MMP20: variants seen among roughly 807,000 people sequenced by gnomAD.
MMP20 encodes the protein matrix metalloproteinase-20.
Under a neutral mutation model 51.8 loss-of-function variants are expected in MMP20, and 50 were observed. That is an observed-to-expected ratio of 0.97 (90% CI 0.77 to 1.22). The LOEUF (loss-of-function observed/expected upper bound fraction) is 1.22. Among genes scored for constraint, MMP20 ranks in the 50% most tolerant of loss-of-function variants. MMP20 has a pLI of 0.00. For synonymous variants in MMP20, 244 were observed against 216.2 expected, an observed-to-expected ratio of 1.13 and a Z score of -1.13; for missense variants, 663 against 601.4, an observed-to-expected ratio of 1.10 and a Z score of -1.07.
At chr11:102,608,797 G>A in intron 5 of MMP20, 140 bp downstream of exon 5, 2 of 889,114 alleles carry the variant, frequency 2.2e-6, no homozygotes, top group South Asian at 2.8e-5. Context: ...TAGCAAATCA[G>A]CTCTTCACAA....
chr11:102,593,146 G>A (rs570306080), intron 8 of MMP20, among the ~76,000 whole-genome samples: 1 of 152,298 alleles, frequency 6.6e-6, no homozygotes, highest in African/African-American at 2.4e-5. Context: ...TGGTGATGCT[G>A]CATCTACGCT....
At chr11:102,587,187 C>T (rs1425775097) in intron 8 of MMP20, among the ~76,000 whole-genome samples, 1 of 151,970 alleles carries the variant, frequency 6.6e-6, no homozygotes, top group Non-Finnish European at 1.5e-5. Context: ...TCTAATTTCC[C>T]TTGTGATTTC....
intron 4 of MMP20, among the ~76,000 whole-genome samples, 173 bp downstream of exon 4, chr11:102,609,732 G>T (rs904300053): frequency 6.6e-6 from 1 of 152,154 alleles, no homozygotes; most frequent in African/African-American, 2.4e-5. Context: ...AACACAATTT[G>T]GGGTGGATTT....
intron 8 of MMP20, among the ~76,000 whole-genome samples, chr11:102,582,619 C>G (rs569589567): frequency 1.3e-5 from 2 of 152,100 alleles, no homozygotes; most frequent in African/African-American, 4.8e-5. Flanking sequence ...CATGTACAAT[C>G]CCAGATGAGG....
rs1284603007 is a variant in MMP20, at chr11:102,611,887, G to C, written c.391C>G (p.Pro131Ala). 1 of 1,614,134 alleles carries C rather than the reference G, an allele frequency of 6.2e-7. No individual in the cohort carries two copies. The highest frequency in any genetic ancestry group is 8.5e-7 in the Non-Finnish European group (1 of 1,179,940). Reference sequence around the variant, plus strand: ...TCCACCTCGACAGAACTCATGGAAGGTGTGTATTTAGATATTCTGTGAAAA... The same window carrying C: ...TCCACCTCGACAGAACTCATGGAAGCTGTGTATTTAGATATTCTGTGAAAA... ...TLTYRISKYT[P>A]SMSSVEVDKA... The change falls in exon 3 of 10, where the codon CCT (proline) becomes GCT (alanine). Residue 131 changes from proline to alanine, a missense_variant. Coordinates refer to ENST00000260228, the MANE Select transcript of MMP20 (RefSeq NM_004771.4).
At chr11:102,624,305 A>G (rs1859788669) in intron 1 of MMP20, among the ~76,000 whole-genome samples, 1 of 152,068 alleles carries the variant, frequency 6.6e-6, no homozygotes, top group Non-Finnish European at 1.5e-5. Flanking sequence ...TTTCCTCTAT[A>G]TATCTTTCAC....
At chr11:102,585,919 T>C (rs1032572568) in intron 8 of MMP20, among the ~76,000 whole-genome samples, 1 of 152,230 alleles carries the variant, frequency 6.6e-6, no homozygotes, top group African/African-American at 2.4e-5. Flanking sequence ...ATTACATTAA[T>C]TGATTTTTGG....
chr11:102,590,952 C>A (rs1859310134), intron 8 of MMP20, among the ~76,000 whole-genome samples: 1 of 152,158 alleles, frequency 6.6e-6, no homozygotes, highest in Non-Finnish European at 1.5e-5. Flanking sequence ...CCCTGTTGAT[C>A]ACCAGCCTGC....
chr11:102,614,501 A>G (rs1859642226), intron 2 of MMP20, among the ~76,000 whole-genome samples: 1 of 152,218 alleles, frequency 6.6e-6, no homozygotes, highest in Non-Finnish European at 1.5e-5. Flanking sequence ...ATAGTCATGG[A>G]CTAAAATTCC....
At chr11:102,578,902 A>T in intron 9 of MMP20, 137 bp downstream of exon 9, 1 of 684,184 alleles carries the variant, frequency 1.5e-6, no homozygotes, top group Non-Finnish European at 2.6e-6. Flanking sequence ...CTGTTTAGAT[A>T]AACTTATGAA....
intron 2 of MMP20, among the ~76,000 whole-genome samples, chr11:102,615,412 C>T (rs1591623096): frequency 6.6e-6 from 1 of 152,144 alleles, no homozygotes; most frequent in East Asian, 1.9e-4. Context: ...TAACAAGTGG[C>T]TGCAAAATTC....
chr11:102,625,127 C>G, intron 1 of MMP20, 67 bp downstream of exon 1: 2 of 1,595,122 alleles, frequency 1.3e-6, no homozygotes, highest in South Asian at 2.2e-5. Flanking sequence ...TTCTTATTTT[C>G]TCACTATGCC....
intron 8 of MMP20, among the ~76,000 whole-genome samples, chr11:102,586,333 G>C (rs1859254001): frequency 6.6e-6 from 1 of 151,918 alleles, no homozygotes; most frequent in Non-Finnish European, 1.5e-5. Context: ...TCTTATTGTA[G>C]GCATATTCAG....
At chr11:102,624,684 T>C (rs1304593780) in intron 1 of MMP20, among the ~76,000 whole-genome samples, 2 of 152,146 alleles carry the variant, frequency 1.3e-5, no homozygotes, top group Non-Finnish European at 2.9e-5. Context: ...AAATGAGAAG[T>C]GGGTTGGCAC....
intron 6 of MMP20, among the ~76,000 whole-genome samples, chr11:102,598,393 T>G (rs1859407944): frequency 6.6e-6 from 1 of 152,254 alleles, no homozygotes; most frequent in South Asian, 2.1e-4. Context: ...GGCAAAACAA[T>G]GGAGTTTATT....
At chr11:102,586,815 TC>T (rs1859260471) in intron 8 of MMP20, among the ~76,000 whole-genome samples, 1 of 150,206 alleles carries the variant, frequency 6.7e-6, no homozygotes, top group South Asian at 2.1e-4. Flanking sequence ...AGACTCCGCC[TC>T]AAAAAAAAAA....
intron 1 of MMP20, among the ~76,000 whole-genome samples, chr11:102,623,195 GC>G (rs1234595838): frequency 1.3e-5 from 2 of 152,202 alleles, no homozygotes; most frequent in African/African-American, 4.8e-5. Context: ...TTCTAAACGT[GC>G]CTAGCTGACT....
chr11:102,617,639 T>C (rs909808622), intron 1 of MMP20, among the ~76,000 whole-genome samples: 4 of 152,198 alleles, frequency 2.6e-5, no homozygotes, highest in African/African-American at 4.8e-5. Flanking sequence ...GTGTTTAGTA[T>C]GTGGGCTGGA....
intron 6 of MMP20, among the ~76,000 whole-genome samples, chr11:102,606,021 T>TCATC (rs1413912830): frequency 1.3e-5 from 2 of 152,150 alleles, no homozygotes; most frequent in Non-Finnish European, 1.5e-5. Context: ...ATCCATCTGA[T>TCATC]CATCCATCCA....
Sources: allele counts gnomAD v4.1 joint callset (sites outside exome capture counted in the v4.1 genomes callset), GRCh38; gene constraint gnomAD v4.1.1; transcripts MANE v1.5; gene names NCBI Gene and HGNC (gene_info 2026-07-23, HGNC 2026-07-21).